PTPRH: variants seen among roughly 807,000 people sequenced by gnomAD.
The protein encoded by PTPRH is protein tyrosine phosphatase receptor type H, also known as receptor-type tyrosine-protein phosphatase H.
A neutral mutation model predicts 130.2 loss-of-function variants in PTPRH; 113 were observed. That is an observed-to-expected ratio of 0.87 (90% CI 0.75 to 1.01). The LOEUF (loss-of-function observed/expected upper bound fraction) is 1.01. Among genes scored for constraint, PTPRH ranks in the 50% least tolerant of loss-of-function variants. The pLI, the probability that PTPRH is intolerant of heterozygous loss-of-function variation, is 0.00. For missense variants in PTPRH, 1,430 were observed against 1,425.0 expected (o/e 1.00, Z -0.06); for synonymous variants, 556 against 577.9 (o/e 0.96, Z 0.54).
chr19:55,182,014 A>G lies in PTPRH; in HGVS notation c.3198+2T>C. The G allele has an allele frequency of 1.2e-6, 2 of 1,613,822 alleles. No homozygotes were observed. The highest frequency in any genetic ancestry group is 1.3e-5 in the African/African-American group (1 of 74,934). ...TCCTGTGTTGCTGAGGGACTGCCTC[A>G]CCTCAGTCTGCACCATCAACGGCCG... On this transcript the variant is annotated splice_donor_variant, in intron 19 of 19. Transcript: ENST00000376350. LOFTEE classifies it high-confidence loss of function.
intron 7 of PTPRH, among the ~76,000 whole-genome samples, chr19:55,199,367 G>T (rs976519879): frequency 6.6e-6 from 1 of 152,148 alleles, no homozygotes; most frequent in Non-Finnish European, 1.5e-5. Context: ...CCAACACTTC[G>T]GGAGGCCAAG....
chr19:55,203,033 C>CA (rs75261116), intron 5 of PTPRH, among the ~76,000 whole-genome samples: 3,120 of 122,366 alleles, frequency 0.025, 105 homozygotes, highest in African/African-American at 0.087. Context: ...GACTCTGTCC[C>CA]AAAAAAAAAA....
chr19:55,188,946 T>C (rs969797773), intron 12 of PTPRH, among the ~76,000 whole-genome samples: 4 of 152,204 alleles, frequency 2.6e-5, no homozygotes. Flanking sequence ...CGCACACTTC[T>C]TACAGGGTTT....
rs75421998 is a variant in PTPRH, at chr19:55,198,522, G to A, written c.1690+121C>T. 9.8e-4 allele frequency: 1,080 copies of A among 1,103,898 alleles called. 4 individuals are homozygous for A. Among genetic ancestry groups the A allele is most frequent in the African/African-American group, 7.1e-3 (442 of 61,946 alleles). 68.4% of individuals were successfully genotyped at this position (1,103,898 alleles called of 1,614,324 possible). ...AACGGGACCTACAGGTTTAAGCTCC[G>A]GCCGGTGAGGCTGGAGAGGCCCATG... On this transcript the variant is annotated intron_variant, in intron 8 of 19. Transcript: ENST00000376350.
chr19:55,190,386 A>C (rs2086490410), intron 12 of PTPRH, among the ~76,000 whole-genome samples: 1 of 148,236 alleles, frequency 6.7e-6, no homozygotes, highest in African/African-American at 2.5e-5. Flanking sequence ...AAAAAAAAAG[A>C]ATATCACAAT....
chr19:55,203,273 G>A, intron 5 of PTPRH, among the ~76,000 whole-genome samples: 1 of 141,584 alleles, frequency 7.1e-6, no homozygotes, highest in Non-Finnish European at 1.5e-5. Flanking sequence ...CTTGCAGTGA[G>A]CCAAGATTGC....
chr19:55,198,774 G>C lies in PTPRH; in HGVS notation c.1559C>G (p.Pro520Arg), dbSNP rs747713120. ...VSWVREGMTD[P>R]RTQSTSGTDI... ...AGTACCTGAGGTGCTTTGGGTCCTG[G>C]GGTCAGTCATGCCTTCCCTGACCCA... Residue 520 changes from proline (P) to arginine (R), a missense_variant, in exon 8 of 20, where the codon CCC becomes CGC. By Grantham distance (103) the Pro-to-Arg change is moderately radical (BLOSUM62 -2). Coordinates refer to ENST00000376350, the MANE Select transcript of PTPRH (RefSeq NM_002842.5). 3.7e-6 allele frequency: 6 copies of C among 1,614,000 alleles called. No individual in the cohort carries two copies. In the South Asian group the frequency reaches 5.5e-5, roughly 15 times the overall value.
Position 55,197,187 on chromosome 19 carries a change from C to A in PTPRH, c.1920G>T (p.Leu640Phe). ...TCTCTGCCCACACGGTGAAATTGTA[C>A]AACGTCCCGGGTTCCAGGGCCTCCA... ...YKVEALEPGT[L>F]YNFTVWAERN... The change falls in exon 9 of 20, where the codon TTG becomes TTT. Residue 640 changes from leucine to phenylalanine, a missense_variant. Leu to Phe is a conservative substitution (Grantham distance 22, BLOSUM62 0). Transcript: ENST00000376350. 1 of 1,614,252 alleles carries A rather than the reference C, an allele frequency of 6.2e-7. No homozygotes were observed.
At chr19:55,186,008 G>A (rs1224667312) in intron 16 of PTPRH, 24 bp from the exon 17 acceptor site, 1 of 1,613,812 alleles carries the variant, frequency 6.2e-7, no homozygotes, top group African/African-American at 1.3e-5. Context: ...AGGGGTCAGA[G>A]AACACAACTC....
At chr19:55,183,224 T>C (rs2147358410) in intron 18 of PTPRH, among the ~76,000 whole-genome samples, 1 of 143,108 alleles carries the variant, frequency 7.0e-6, no homozygotes, top group East Asian at 2.2e-4. Flanking sequence ...TGAAACCCCG[T>C]CTCTACTAAA....
chr19:55,206,059 CCA>C (rs1001355273), intron 3 of PTPRH, among the ~76,000 whole-genome samples: 1 of 152,038 alleles, frequency 6.6e-6, no homozygotes, highest in African/African-American at 2.4e-5. Context: ...ATGGCGAAAC[CCA>C]GTCTCTACTA....
intron 10 of PTPRH, among the ~76,000 whole-genome samples, chr19:55,194,916 G>T (rs949404991): frequency 6.6e-6 from 1 of 152,140 alleles, no homozygotes; most frequent in Non-Finnish European, 1.5e-5. Context: ...GGCCAGGTGC[G>T]GTGGCTCACA....
chr19:55,201,933 G>A (rs2086875481), intron 6 of PTPRH, 123 bp downstream of exon 6: 2 of 1,438,502 alleles, frequency 1.4e-6, no homozygotes, highest in South Asian at 2.7e-5. Flanking sequence ...GCCCCAGGAT[G>A]TGGACATGAG....
chr19:55,189,559 C>T (rs1278879270), intron 12 of PTPRH, among the ~76,000 whole-genome samples: 5 of 152,324 alleles, frequency 3.3e-5, no homozygotes, highest in Non-Finnish European at 4.4e-5. Flanking sequence ...GCCCTCCACG[C>T]GCCCATCCCT....
intron 18 of PTPRH, among the ~76,000 whole-genome samples, chr19:55,184,276 C>T (rs1022838275): frequency 6.6e-6 from 1 of 151,634 alleles, no homozygotes; most frequent in Non-Finnish European, 1.5e-5. Context: ...AAGAGCGAAA[C>T]TCTGCCTCCA....
rs752959179 is a variant in PTPRH, at chr19:55,203,962, G to T, written c.706C>A (p.Pro236Thr). ...TGAACGCAGTAGGTCGAGTTCTGTGGGTCTGTGCCATCGGGGACCTCCCAG... is the reference window on the plus strand; with the variant it reads ...TGAACGCAGTAGGTCGAGTTCTGTGTGTCTGTGCCATCGGGGACCTCCCAG... ...LSWEVPDGTD[P>T]QNSTYCVQCT... The change falls in exon 5 of 20, where the codon CCA (proline) becomes ACA (threonine). Residue 236 changes from proline to threonine, a missense_variant. Coordinates refer to ENST00000376350, the MANE Select transcript of PTPRH (RefSeq NM_002842.5). 1 of 1,614,188 alleles carries T rather than the reference G, an allele frequency of 6.2e-7. No individual in the cohort carries two copies. Among genetic ancestry groups the T allele is most frequent in the East Asian group, 2.2e-5 (1 of 44,886 alleles).
intron 9 of PTPRH, 69 bp downstream of exon 9, chr19:55,197,048 A>C (rs1000385089): frequency 1.9e-6 from 3 of 1,552,056 alleles, no homozygotes; most frequent in Admixed American, 1.8e-5. Context: ...TATTCCATTC[A>C]TCTCTCAGCT....
intron 12 of PTPRH, 21 bp downstream of exon 12, chr19:55,191,480 C>T: frequency 6.2e-7 from 1 of 1,612,494 alleles, no homozygotes; most frequent in Non-Finnish European, 8.5e-7. Flanking sequence ...TTCCAATGCA[C>T]CCCCCAGACC....
Position 55,198,768 on chromosome 19 carries a change from G to A in PTPRH, c.1565C>T (p.Thr522Ile), listed in dbSNP as rs2086765973. Residue 522 changes from threonine to isoleucine, a missense_variant, in exon 8 of 20, where the codon ACC becomes ATC. Physicochemically the swap from Thr to Ile is moderately conservative, Grantham distance 89. Coordinates refer to ENST00000376350, the MANE Select transcript of PTPRH (RefSeq NM_002842.5). The stretch of plus-strand genomic sequence containing the variant: ...GATGTCAGTACCTGAGGTGCTTTGG[G>A]TCCTGGGGTCAGTCATGCCTTCCCT... ...WVREGMTDPR[T>I]QSTSGTDITL... 3.1e-6 allele frequency: 5 copies of A among 1,614,076 alleles called. No homozygotes were observed. In the South Asian group the frequency reaches 3.3e-5, roughly 11 times the overall value.
Sources: allele counts gnomAD v4.1 joint callset (sites outside exome capture counted in the v4.1 genomes callset), GRCh38; gene constraint gnomAD v4.1.1; transcripts MANE v1.5; gene names NCBI Gene and HGNC (gene_info 2026-07-23, HGNC 2026-07-21).